Variants in PPARGC1A observed in about 807,000 individuals in gnomAD.
PPARGC1A encodes peroxisome proliferator-activated receptor gamma coactivator 1-alpha.
Under a neutral mutation model 88.7 loss-of-function variants are expected in PPARGC1A, and 25 were observed. The observed-to-expected ratio is 0.28, with a 90% CI of 0.21 to 0.39. The LOEUF is 0.39. PPARGC1A is among the 10% of genes least tolerant of loss of function. PPARGC1A has a pLI of 1.00. For missense variants in PPARGC1A, 880 were observed against 968.7 expected (o/e 0.91, Z 1.22); for synonymous variants, 363 against 355.6 (o/e 1.02, Z -0.24).
At chr4:24,412,554 C>A in the PPARGC1A span, among the ~76,000 whole-genome samples, 2 of 152,218 alleles carry the variant, frequency 1.3e-5, no homozygotes, top group African/African-American at 4.8e-5. Context: ...AATCTCCGCT[C>A]ACTGCAACCT....
chr4:23,802,005 G>A, intron 11 of PPARGC1A, 124 bp from the exon 12 acceptor site: 1 of 1,332,708 alleles, frequency 7.5e-7, no homozygotes, highest in East Asian at 2.5e-5. Context: ...ATTTATCAGT[G>A]TGATTGTCCT....
chr4:24,008,972 C>T, the PPARGC1A span, among the ~76,000 whole-genome samples: 1 of 151,898 alleles, frequency 6.6e-6, no homozygotes, highest in African/African-American at 2.4e-5. Flanking sequence ...GTCATTTTTA[C>T]AGCAGCTCTC....
the PPARGC1A span, among the ~76,000 whole-genome samples, chr4:24,027,953 T>C: frequency 6.6e-6 from 1 of 152,142 alleles, no homozygotes; most frequent in African/African-American, 2.4e-5. Flanking sequence ...TATTAATGCA[T>C]TGAATCCTCA....
At chr4:24,410,628 G>A in the PPARGC1A span, among the ~76,000 whole-genome samples, 1 of 152,274 alleles carries the variant, frequency 6.6e-6, no homozygotes, top group South Asian at 2.1e-4. Context: ...GGGTGAGGCT[G>A]ACCCACCCTC....
At chr4:24,455,591 G>C in the PPARGC1A span, among the ~76,000 whole-genome samples, 1 of 152,244 alleles carries the variant, frequency 6.6e-6, no homozygotes, top group African/African-American at 2.4e-5. Flanking sequence ...TCAAGTGTTG[G>C]AAACTTAATC....
the PPARGC1A span, among the ~76,000 whole-genome samples, chr4:24,296,846 T>C: frequency 3.3e-5 from 5 of 152,166 alleles, no homozygotes; most frequent in Non-Finnish European, 7.4e-5. Context: ...AGCTGGTAAA[T>C]AGAGGTGCCA....
chr4:23,997,116 G>T, the PPARGC1A span, among the ~76,000 whole-genome samples: 3 of 152,062 alleles, frequency 2.0e-5, no homozygotes, highest in Non-Finnish European at 2.9e-5. Context: ...ATATAAAGAC[G>T]CCATGAAACA....
chr4:24,173,301 G>A, the PPARGC1A span, among the ~76,000 whole-genome samples: 6 of 148,612 alleles, frequency 4.0e-5, no homozygotes, highest in African/African-American at 1.5e-4. Context: ...AATAGCAGTG[G>A]CTAGTTTTGG....
chr4:24,044,083 C>T, the PPARGC1A span, among the ~76,000 whole-genome samples: 1 of 152,162 alleles, frequency 6.6e-6, no homozygotes, highest in African/African-American at 2.4e-5. Flanking sequence ...GGTCACTACA[C>T]TACCACTAAT....
At chr4:23,971,642 C>A in the PPARGC1A span, among the ~76,000 whole-genome samples, 1 of 152,190 alleles carries the variant, frequency 6.6e-6, no homozygotes, top group Non-Finnish European at 1.5e-5. Flanking sequence ...TTTCTGCCTG[C>A]TGTATATTCT....
the PPARGC1A span, among the ~76,000 whole-genome samples, chr4:24,072,158 AT>A: frequency 6.8e-6 from 1 of 147,364 alleles, no homozygotes; most frequent in African/African-American, 2.5e-5. Flanking sequence ...TATATATTTT[AT>A]TTTTATATTA....
intron 2 of PPARGC1A, among the ~76,000 whole-genome samples, chr4:23,878,207 GC>G (rs1348659178): frequency 6.6e-6 from 1 of 152,142 alleles, no homozygotes; most frequent in Non-Finnish European, 1.5e-5. Context: ...TTTCTGGAGT[GC>G]CTAGAGTATC....
the PPARGC1A span, among the ~76,000 whole-genome samples, chr4:23,927,521 T>C: frequency 1.3e-5 from 2 of 152,206 alleles, no homozygotes; most frequent in Non-Finnish European, 2.9e-5. Context: ...TTGAAATCAG[T>C]CAAATTTAAG....
the PPARGC1A span, among the ~76,000 whole-genome samples, chr4:24,161,961 TACACACACACACACACACAC>T: frequency 2.8e-3 from 379 of 133,940 alleles, 2 homozygotes; most frequent in East Asian, 3.7e-3. Flanking sequence ...AATTGTGATA[TACACACACACACACACACAC>T]ACACACACAC....
the PPARGC1A span, among the ~76,000 whole-genome samples, chr4:24,316,640 C>G: frequency 6.6e-6 from 1 of 152,218 alleles, no homozygotes; most frequent in Non-Finnish European, 1.5e-5. Context: ...ACTCTTGGCT[C>G]TGCCATTTAC....
chr4:24,294,005 A>AAAATCTATAT, the PPARGC1A span, among the ~76,000 whole-genome samples: 1 of 152,176 alleles, frequency 6.6e-6, no homozygotes, highest in Non-Finnish European at 1.5e-5. Context: ...AGTTTGGCAG[A>AAAATCTATAT]AAATCTATAT....
At chr4:23,877,113 G>C (rs1714855820) in intron 2 of PPARGC1A, among the ~76,000 whole-genome samples, 1 of 152,158 alleles carries the variant, frequency 6.6e-6, no homozygotes. Context: ...GAATAAGAGT[G>C]TGTATTTCAT....
the PPARGC1A span, among the ~76,000 whole-genome samples, chr4:24,196,754 G>T: frequency 5.3e-5 from 8 of 152,264 alleles, no homozygotes; most frequent in East Asian, 1.5e-3. Flanking sequence ...TAAACAAAAA[G>T]GTTTCTTCCT....
chr4:24,121,222 G>A, the PPARGC1A span, among the ~76,000 whole-genome samples: 8 of 152,216 alleles, frequency 5.3e-5, no homozygotes, highest in Non-Finnish European at 5.9e-5. Context: ...CCTTCAGAGA[G>A]CCAGCTTTGG....
Sources: allele counts gnomAD v4.1 joint callset (sites outside exome capture counted in the v4.1 genomes callset), GRCh38; gene constraint gnomAD v4.1.1; transcripts MANE v1.5; gene names NCBI Gene and HGNC (gene_info 2026-07-23, HGNC 2026-07-21).